Variants in RBPJ observed in about 807,000 individuals in gnomAD.
RBPJ encodes recombining binding protein suppressor of hairless.
RBPJ carries 9 observed loss-of-function variants against 67.8 expected under a neutral mutation model. The observed-to-expected ratio is 0.13, with a 90% CI of 0.08 to 0.23. RBPJ has a LOEUF of 0.23. Ranked by LOEUF, RBPJ falls within the 10% of genes least tolerant of loss-of-function variation. The pLI is 1.00. For missense variants in RBPJ, 305 were observed against 595.6 expected, an observed-to-expected ratio of 0.51 and a Z score of 5.08; for synonymous variants, 198 against 203.3, an observed-to-expected ratio of 0.97 and a Z score of 0.22.
the RBPJ span, among the ~76,000 whole-genome samples, chr4:26,129,595 T>C: frequency 6.6e-6 from 1 of 152,226 alleles, no homozygotes; most frequent in East Asian, 1.9e-4. Flanking sequence ...TTTATGAACT[T>C]ACTGTCCCTT....
chr4:26,376,366 G>A (rs556732823), intron 1 of RBPJ, among the ~76,000 whole-genome samples: 1 of 152,174 alleles, frequency 6.6e-6, no homozygotes, highest in Admixed American at 6.5e-5. Flanking sequence ...TCATATAAGT[G>A]GAATCATATA....
intron 1 of RBPJ, among the ~76,000 whole-genome samples, chr4:26,221,150 G>A (rs1230314419): frequency 1.3e-5 from 2 of 152,198 alleles, no homozygotes; most frequent in Non-Finnish European, 2.9e-5. Flanking sequence ...GAGTGCGGTG[G>A]CGCGATCTCG....
rs1553848908 is a variant in RBPJ, at chr4:26,209,098, A to AATAT, written c.-167+45498_-167+45501dup. Among the ~76,000 whole-genome samples, 353 of 146,982 alleles carry AATAT rather than the reference A, an allele frequency of 2.4e-3. 3 individuals are homozygous for AATAT. Among genetic ancestry groups the AATAT allele is most frequent in the East Asian group, 0.012 (59 of 5,084 alleles). ...ATAACCAGCATTACAGAAGAAAAAA[A>AATAT]ATATATATATATATATAAAAGCATT... On this transcript the variant is annotated intron_variant, in intron 1 of 4. Transcript: ENST00000512351.
chr4:26,184,189 A>G (rs1360352363), intron 1 of RBPJ, among the ~76,000 whole-genome samples: 1 of 140,256 alleles, frequency 7.1e-6, no homozygotes, highest in Admixed American at 6.9e-5. Context: ...CTCAAAAAAA[A>G]AAAAAAAGAA....
At chr4:26,152,061 C>A in the RBPJ span, among the ~76,000 whole-genome samples, 1 of 152,144 alleles carries the variant, frequency 6.6e-6, no homozygotes, top group African/African-American at 2.4e-5. Context: ...TTCAAAAGTG[C>A]CTACGTTGTG....
Position 26,431,201 on chromosome 4 carries a change from A to G in RBPJ, c.*194A>G, listed in dbSNP as rs1049753052. The G allele has an allele frequency of 2.1e-4, 87 of 407,024 alleles. No homozygotes were observed. The highest frequency in any genetic ancestry group is 7.7e-4 in the East Asian group (20 of 25,960). The allele number at this position is 407,024 out of a possible 1,614,324, so 25.2% of individuals were successfully genotyped here. A position where few individuals can be genotyped will look rare whatever the true frequency, so the allele number is the denominator to read the frequency against. ...AGCCACAGTAAAAAAAAAAAAAAAAAAAAAAAAAAAGAAAAAAAAATCAAA... is the reference window on the plus strand; with the variant it reads ...AGCCACAGTAAAAAAAAAAAAAAAAGAAAAAAAAAAGAAAAAAAAATCAAA... On this transcript the variant is annotated 3_prime_UTR_variant, in exon 11 of 11. Transcript: ENST00000355476.
At chr4:26,129,109 C>G in the RBPJ span, among the ~76,000 whole-genome samples, 8 of 152,246 alleles carry the variant, frequency 5.3e-5, no homozygotes, top group Non-Finnish European at 8.8e-5. Flanking sequence ...TACATTGTCT[C>G]ACTTCATCTT....
chr4:26,419,517 T>G (rs1018394827), intron 4 of RBPJ, among the ~76,000 whole-genome samples: 3 of 152,182 alleles, frequency 2.0e-5, no homozygotes, highest in Admixed American at 6.5e-5. Flanking sequence ...AACCTAGAAG[T>G]CATTAACTGT....
At chr4:26,216,624 G>T (rs938201472) in intron 1 of RBPJ, among the ~76,000 whole-genome samples, 4 of 152,044 alleles carry the variant, frequency 2.6e-5, no homozygotes, top group Non-Finnish European at 4.4e-5. Flanking sequence ...TTAAATAGGG[G>T]AGGATTGAGG....
chr4:26,267,060 C>T (rs1048841008), intron 1 of RBPJ, among the ~76,000 whole-genome samples: 1 of 152,178 alleles, frequency 6.6e-6, no homozygotes, highest in Non-Finnish European at 1.5e-5. Context: ...GATAAGTTGT[C>T]TCCTCTTTAT....
intron 1 of RBPJ, among the ~76,000 whole-genome samples, chr4:26,250,003 C>G (rs566499850): frequency 3.6e-4 from 55 of 151,870 alleles, no homozygotes; most frequent in African/African-American, 1.2e-3. Context: ...TCAGCCTGGT[C>G]TCGAACTCCT....
intron 1 of RBPJ, among the ~76,000 whole-genome samples, chr4:26,185,747 A>C (rs1445084149): frequency 1.3e-5 from 2 of 152,196 alleles, no homozygotes; most frequent in African/African-American, 4.8e-5. Context: ...TTTGTAAGCC[A>C]GGCAAAGGTT....
chr4:26,429,746 G>A, intron 8 of RBPJ, 152 bp from the exon 9 acceptor site: 3 of 642,252 alleles, frequency 4.7e-6, no homozygotes, highest in Non-Finnish European at 8.0e-6. Flanking sequence ...GTTTATGTAG[G>A]GATTGGCAAA....
At chr4:26,257,205 A>T (rs1396443007) in intron 1 of RBPJ, among the ~76,000 whole-genome samples, 1 of 152,262 alleles carries the variant, frequency 6.6e-6, no homozygotes, top group Admixed American at 6.5e-5. Flanking sequence ...AATAACAATC[A>T]TGATTGCTAT....
chr4:26,424,562 T>G lies in RBPJ; in HGVS notation c.635-69T>G. 1 of 1,564,834 alleles carries G rather than the reference T, an allele frequency of 6.4e-7. No homozygotes were observed. Among genetic ancestry groups the G allele is most frequent in the Non-Finnish European group, 8.8e-7 (1 of 1,142,212 alleles). The stretch of plus-strand genomic sequence containing the variant: ...TGAGATACATGGATATATTAAGTTT[T>G]GTCATTTGCCTAATCATAAAATAAA... On this transcript the variant is annotated intron_variant, in intron 6 of 10. Transcript: ENST00000355476. This position sits in a 1 kb window ranked among gnomAD's most constrained non-coding sequence, Gnocchi z 5.3.
At chr4:26,286,710 A>G (rs1438909721) in intron 1 of RBPJ, among the ~76,000 whole-genome samples, 2 of 151,796 alleles carry the variant, frequency 1.3e-5, no homozygotes, top group Admixed American at 6.6e-5. Context: ...GTTCATGTCA[A>G]TATATATTAA....
At chr4:26,201,991 G>T (rs1717995297) in intron 1 of RBPJ, among the ~76,000 whole-genome samples, 1 of 152,186 alleles carries the variant, frequency 6.6e-6, no homozygotes, top group South Asian at 2.1e-4. Flanking sequence ...CACCGAACAT[G>T]GTTGATTTCT....
At chr4:26,203,324 A>G (rs2109157622) in intron 1 of RBPJ, among the ~76,000 whole-genome samples, 2 of 152,344 alleles carry the variant, frequency 1.3e-5, no homozygotes, top group South Asian at 4.1e-4. Flanking sequence ...AGTCTTTGCC[A>G]CATGCCCACA....
At chr4:26,401,105 G>T (rs1732744842) in intron 2 of RBPJ, among the ~76,000 whole-genome samples, 1 of 152,174 alleles carries the variant, frequency 6.6e-6, no homozygotes, top group Admixed American at 6.5e-5. Flanking sequence ...GGAAATAATA[G>T]TAATAGCTCG....
Sources: allele counts gnomAD v4.1 joint callset (sites outside exome capture counted in the v4.1 genomes callset), GRCh38; gene constraint gnomAD v4.1.1; non-coding constraint Gnocchi (gnomAD v3.1); transcripts MANE v1.5; gene names NCBI Gene and HGNC (gene_info 2026-07-23, HGNC 2026-07-21).